The following HDAC9 variants were observed in gnomAD, a reference collection of about 807,000 sequenced individuals.
HDAC9 encodes the protein histone deacetylase 9.
A neutral mutation model predicts 139.4 loss-of-function variants in HDAC9; 41 were observed. That is an observed-to-expected ratio of 0.29 (90% CI 0.23 to 0.38). The LOEUF (loss-of-function observed/expected upper bound fraction) is 0.38. Ranked by LOEUF, HDAC9 falls within the 10% of genes least tolerant of loss-of-function variation. The pLI is 1.00. For synonymous variants in HDAC9, 517 were observed against 476.2 expected, an observed-to-expected ratio of 1.09 and a Z score of -1.12; for missense variants, 1,147 against 1,297.0, an observed-to-expected ratio of 0.88 and a Z score of 1.78.
chr7:18,355,378 A>T (rs578243886), intron 1 of HDAC9, among the ~76,000 whole-genome samples: 1 of 152,260 alleles, frequency 6.6e-6, no homozygotes, highest in South Asian at 2.1e-4. Context: ...TCTTTATACT[A>T]CCAGAACTAG....
At chr7:18,112,361 A>T (rs1371274215) in intron 1 of HDAC9, among the ~76,000 whole-genome samples, 1 of 152,220 alleles carries the variant, frequency 6.6e-6, no homozygotes, top group Non-Finnish European at 1.5e-5. Context: ...AAGAATGCGG[A>T]CTACAGTTAA....
upstream of HDAC9, among the ~76,000 whole-genome samples, chr7:18,286,733 A>G (rs1194309017): frequency 1.3e-5 from 2 of 152,128 alleles, no homozygotes; most frequent in Non-Finnish European, 2.9e-5. Flanking sequence ...ATCTTCTAAT[A>G]TTAATTTTGT....
chr7:18,612,855 G>C (rs866451151), intron 6 of HDAC9, among the ~76,000 whole-genome samples: 1 of 151,850 alleles, frequency 6.6e-6, no homozygotes, highest in African/African-American at 2.4e-5. Context: ...ACTAAGAGGA[G>C]AATATGAAAG....
intron 1 of HDAC9, among the ~76,000 whole-genome samples, chr7:18,091,494 G>C (rs1782141976): frequency 6.6e-6 from 1 of 152,200 alleles, no homozygotes; most frequent in Non-Finnish European, 1.5e-5. Context: ...TAGTCTGTGT[G>C]TCACTCAAGG....
At chr7:18,129,467 G>A (rs1784875162) in intron 1 of HDAC9, among the ~76,000 whole-genome samples, 1 of 152,074 alleles carries the variant, frequency 6.6e-6, no homozygotes, top group Non-Finnish European at 1.5e-5. Flanking sequence ...AGGGTCTTAT[G>A]TGTACTAATG....
chr7:18,942,022 G>A (rs1782061210), intron 23 of HDAC9, among the ~76,000 whole-genome samples: 1 of 152,042 alleles, frequency 6.6e-6, no homozygotes, highest in African/African-American at 2.4e-5. Flanking sequence ...ATATTTCACA[G>A]GTTGTGGTAA....
chr7:18,730,340 A>G (rs1785934195), intron 13 of HDAC9, among the ~76,000 whole-genome samples: 1 of 152,200 alleles, frequency 6.6e-6, no homozygotes, highest in Admixed American at 6.5e-5. Flanking sequence ...TAGTATTTCT[A>G]ATGATCTTGA....
At chr7:18,840,161 A>G (rs375279623) in intron 21 of HDAC9, among the ~76,000 whole-genome samples, 5 of 152,230 alleles carry the variant, frequency 3.3e-5, no homozygotes, top group African/African-American at 1.2e-4. Flanking sequence ...GTCTTAATGA[A>G]ATAATTAAAG....
chr7:18,634,100 AT>A (rs1398777067), intron 7 of HDAC9, among the ~76,000 whole-genome samples: 3 of 152,052 alleles, frequency 2.0e-5, no homozygotes, highest in Non-Finnish European at 4.4e-5. Flanking sequence ...ATTCTATTGT[AT>A]TTTCTTCATA....
chr7:18,927,160 G>C (rs1804306210), intron 22 of HDAC9, among the ~76,000 whole-genome samples: 1 of 152,104 alleles, frequency 6.6e-6, no homozygotes, highest in Non-Finnish European at 1.5e-5. Flanking sequence ...TCATTTGCAT[G>C]AAATAAACCT....
intron 24 of HDAC9, among the ~76,000 whole-genome samples, chr7:18,975,034 G>T (rs1280520512): frequency 6.6e-6 from 1 of 152,142 alleles, no homozygotes; most frequent in Non-Finnish European, 1.5e-5. Flanking sequence ...TTGATTTGGG[G>T]CTACTCATCA....
chr7:18,111,193 T>G (rs1393858627), intron 1 of HDAC9, among the ~76,000 whole-genome samples: 1 of 152,184 alleles, frequency 6.6e-6, no homozygotes, highest in African/African-American at 2.4e-5. Flanking sequence ...AATTACTTCA[T>G]TAGTAAGTAT....
intron 1 of HDAC9, among the ~76,000 whole-genome samples, chr7:18,484,928 T>C (rs996084416): frequency 2.0e-4 from 31 of 151,822 alleles, no homozygotes; most frequent in Admixed American, 9.2e-4. Context: ...TAAACTTGGG[T>C]TCCAAAGGGT....
At chr7:18,729,550 A>C (rs1785852174) in intron 13 of HDAC9, among the ~76,000 whole-genome samples, 1 of 152,172 alleles carries the variant, frequency 6.6e-6, no homozygotes, top group Non-Finnish European at 1.5e-5. Flanking sequence ...TGTGTTGCCA[A>C]ATGGATAGGG....
intron 1 of HDAC9, among the ~76,000 whole-genome samples, chr7:18,391,543 AC>A (rs1333544282): frequency 2.0e-5 from 3 of 152,308 alleles, no homozygotes; most frequent in Non-Finnish European, 2.9e-5. Context: ...CATAGCCTTC[AC>A]CAATTGGCCA....
chr7:18,921,231 T>C (rs1293112683), intron 22 of HDAC9, among the ~76,000 whole-genome samples: 9 of 152,046 alleles, frequency 5.9e-5, no homozygotes, highest in Non-Finnish European at 1.3e-4. Flanking sequence ...AATTGACAAA[T>C]GGGATCTAAT....
rs150283255 is a variant in HDAC9, at chr7:18,265,934, C to T, written c.25+103585C>T. Among the ~76,000 whole-genome samples, 398 of 152,156 alleles carry T rather than the reference C, an allele frequency of 2.6e-3. 2 individuals carry two copies. The highest frequency in any genetic ancestry group is 4.2e-3 in the Non-Finnish European group (287 of 67,980). ...TGGAGATTATTCTATAATACCACAC[C>T]GAAACTTCAAAAGTAGTAGTTTTCT... On this transcript the variant is annotated intron_variant, in intron 2 of 12. Transcript: ENST00000417496.
intron 2 of HDAC9, among the ~76,000 whole-genome samples, chr7:18,185,505 C>A (rs1360065198): frequency 6.6e-6 from 1 of 152,050 alleles, no homozygotes; most frequent in Non-Finnish European, 1.5e-5. Context: ...GAAATATTGT[C>A]TATTAAGTTA....
At chr7:18,360,768 A>G (rs1021486886) in intron 1 of HDAC9, among the ~76,000 whole-genome samples, 2 of 152,278 alleles carry the variant, frequency 1.3e-5, no homozygotes, top group African/African-American at 4.8e-5. Flanking sequence ...ACCAGTAAAA[A>G]TGTTTACTTT....
Sources: allele counts gnomAD v4.1 joint callset (sites outside exome capture counted in the v4.1 genomes callset), GRCh38; gene constraint gnomAD v4.1.1; transcripts MANE v1.5; gene names NCBI Gene and HGNC (gene_info 2026-07-23, HGNC 2026-07-21).